SLC35E3: variants seen among roughly 807,000 people sequenced by gnomAD.
The protein encoded by SLC35E3 is bladder cancer-overexpressed gene 1 protein.
SLC35E3 carries 28 observed loss-of-function variants against 30.8 expected under a neutral mutation model. That is an observed-to-expected ratio of 0.91 (90% CI 0.67 to 1.25). The LOEUF is 1.25. SLC35E3 is among the 50% of genes most tolerant of loss of function. The pLI, the probability that SLC35E3 is intolerant of heterozygous loss-of-function variation, is 0.00. For missense variants in SLC35E3, 365 were observed against 375.4 expected (o/e 0.97, Z 0.23); for synonymous variants, 146 against 149.2 (o/e 0.98, Z 0.16).
intron 2 of SLC35E3, among the ~76,000 whole-genome samples, chr12:68,749,652 G>T (rs1032857163): frequency 2.6e-5 from 4 of 152,154 alleles, no homozygotes; most frequent in Non-Finnish European, 4.4e-5. Flanking sequence ...AAAGAGGGGC[G>T]GTGAGGTAAG....
Position 68,765,843 on chromosome 12 carries a change from G to A in SLC35E3, c.*953G>A, listed in dbSNP as rs1810053938. 6.6e-6 allele frequency: 1 copy of A among 151,210 alleles called. No individual in the cohort carries two copies. Among genetic ancestry groups the A allele is most frequent in the Non-Finnish European group, 1.5e-5 (1 of 67,838 alleles). 9.4% of individuals were successfully genotyped at this position (151,210 alleles called of 1,614,324 possible). ...TAATGACAAAGGAATTGCTGTTACT[G>A]TACTGCAAATATGCTGTGGGTTCTC... On this transcript the variant is annotated 3_prime_UTR_variant, in exon 5 of 5. Transcript: ENST00000398004.
At position 68,776,274 on chromosome 12, in the gene SLC35E3, C is replaced by T. The variant is rs111945534; in HGVS notation, c.*11384C>T. 44,032 of 144,444 alleles carry T rather than the reference C, an allele frequency of 0.3. 7,939 individuals are homozygous for T. The highest frequency in any genetic ancestry group is 0.42 in the Non-Finnish European group (27,928 of 66,262). 8.9% of individuals were successfully genotyped at this position (144,444 alleles called of 1,614,324 possible). A position where few individuals can be genotyped will look rare whatever the true frequency, so the allele number is the denominator to read the frequency against. ...CTGTAATCCCAGCGATTTGGGAGGC[C>T]GAGGCAGGTGGATCACTTGAGGTCA... On this transcript the variant is annotated 3_prime_UTR_variant, in exon 5 of 5. Transcript: ENST00000398004.
In SLC35E3 at chr12:68,746,658, C is replaced by T; in HGVS notation, c.281C>T (p.Ser94Phe). 1.2e-6 allele frequency: 2 copies of T among 1,614,252 alleles called. No homozygotes were observed. Among genetic ancestry groups the T allele is most frequent in the Admixed American group, 1.7e-5 (1 of 60,030 alleles). ...GGCTTTGTGGTCTTCACTAACCTTT[C>T]TCTGCAGAACAACACCATAGGCACC... ...FCGFVVFTNLSLQNNTIGTYQ... is the reference protein window; with the variant it reads ...FCGFVVFTNLFLQNNTIGTYQ... The change falls in exon 1 of 5, where the codon TCT (serine) becomes TTT (phenylalanine). Residue 94 changes from serine to phenylalanine, a missense_variant. By Grantham distance (155) the Ser-to-Phe change is radical. Transcript: ENST00000398004.
chr12:68,757,007 T>C (rs928428727), intron 3 of SLC35E3, among the ~76,000 whole-genome samples: 1 of 152,192 alleles, frequency 6.6e-6, no homozygotes, highest in Non-Finnish European at 1.5e-5. Context: ...AGAGTGAGAC[T>C]CCAAATAAAT....
rs1490432576 is a variant in SLC35E3, at chr12:68,771,588, G to C, written c.*6698G>C. 2.6e-5 allele frequency: 4 copies of C among 152,278 alleles called. No homozygotes were observed. In the East Asian group the frequency reaches 7.7e-4, roughly 29 times the overall value. 9.4% of individuals were successfully genotyped at this position (152,278 alleles called of 1,614,324 possible). On this transcript the variant is annotated 3_prime_UTR_variant, in exon 5 of 5. Coordinates refer to ENST00000398004, the MANE Select transcript of SLC35E3 (RefSeq NM_018656.5). ...AATCCCAACATTTTTGAGAGGCCAA[G>C]CTGGGTGGATCTCTTGAGCTCAGGA...
chr12:68,746,844 A>G (rs2136063825), intron 1 of SLC35E3, 65 bp downstream of exon 1: 1 of 1,462,186 alleles, frequency 6.8e-7, no homozygotes, highest in South Asian at 1.4e-5. Context: ...GCCCCGGGAA[A>G]TTCGAACGCA....
Position 68,766,778 on chromosome 12 carries a change from T to A in SLC35E3, c.*1888T>A, listed in dbSNP as rs1012020269. On this transcript the variant is annotated 3_prime_UTR_variant, in exon 5 of 5. Coordinates refer to ENST00000398004, the MANE Select transcript of SLC35E3 (RefSeq NM_018656.5). ...TTTTATATTTTTTGTAGAGACAGAG[T>A]TTTGCCATGTTGCTCAGGCTGATCT... 6.7e-6 allele frequency: 3 copies of A among 450,628 alleles called. No individual in the cohort carries two copies. Among genetic ancestry groups the A allele is most frequent in the Non-Finnish European group, 1.3e-5 (3 of 225,260 alleles). The allele number at this position is 450,628 out of a possible 1,614,324, so 27.9% of individuals were successfully genotyped here.
intron 3 of SLC35E3, among the ~76,000 whole-genome samples, chr12:68,755,830 A>T (rs914314730): frequency 1.3e-5 from 2 of 152,198 alleles, no homozygotes; most frequent in African/African-American, 4.8e-5. Context: ...CATAACCCAA[A>T]CACCTTCTAC....
chr12:68,766,654 G>T lies in SLC35E3; in HGVS notation c.*1764G>T. 5.5e-6 allele frequency: 2 copies of T among 366,028 alleles called. No individual in the cohort carries two copies. Among genetic ancestry groups the T allele is most frequent in the South Asian group, 2.0e-5 (1 of 51,182 alleles). 22.7% of individuals were successfully genotyped at this position (366,028 alleles called of 1,614,324 possible). A position where few individuals can be genotyped will look rare whatever the true frequency, so the allele number is the denominator to read the frequency against. ...GGCTGGAATGCAGTGGCACAATCAT[G>T]GCTCACTGCAGCCTCAGCCTCCTGG... On this transcript the variant is annotated 3_prime_UTR_variant, in exon 5 of 5. Coordinates refer to ENST00000398004, the MANE Select transcript of SLC35E3 (RefSeq NM_018656.5).
Position 68,771,962 on chromosome 12 carries a change from A to C in SLC35E3, c.*7072A>C, listed in dbSNP as rs1360840952. 1 of 152,128 alleles carries C rather than the reference A, an allele frequency of 6.6e-6. No homozygotes were observed. The highest frequency in any genetic ancestry group is 1.5e-5 in the Non-Finnish European group (1 of 68,016). 9.4% of individuals were successfully genotyped at this position (152,128 alleles called of 1,614,324 possible). On this transcript the variant is annotated 3_prime_UTR_variant, in exon 5 of 5. Coordinates refer to ENST00000398004, the MANE Select transcript of SLC35E3 (RefSeq NM_018656.5). ...TTTCAGATTAAAATTATAATTTCTC[A>C]TTTGCTTATAATAAAAGTAGATTGA...
chr12:68,746,821 ACCT>A (rs1192060023), intron 1 of SLC35E3, 42 bp downstream of exon 1: 2 of 1,515,250 alleles, frequency 1.3e-6, no homozygotes, highest in African/African-American at 1.4e-5. Flanking sequence ...CTCCCGACCC[ACCT>A]CCTGCACTGG....
chr12:68,769,408 A>C lies in SLC35E3; in HGVS notation c.*4518A>C, dbSNP rs1456163389. 6.7e-6 allele frequency: 1 copy of C among 149,200 alleles called. No individual in the cohort carries two copies. Among genetic ancestry groups the C allele is most frequent in the Non-Finnish European group, 1.5e-5 (1 of 67,152 alleles). 9.2% of individuals were successfully genotyped at this position (149,200 alleles called of 1,614,324 possible). A position where few individuals can be genotyped will look rare whatever the true frequency, so the allele number is the denominator to read the frequency against. ...ACGGTGGCTCACGCCTGTAATCCCA[A>C]CACTTTGGGAGGCTGAGGTGGGTGG... On this transcript the variant is annotated 3_prime_UTR_variant, in exon 5 of 5. Coordinates refer to ENST00000398004, the MANE Select transcript of SLC35E3 (RefSeq NM_018656.5).
At position 68,746,478 on chromosome 12, in the gene SLC35E3, G is replaced by A. The variant is rs1878566844; in HGVS notation, c.101G>A (p.Trp34Ter). 6.2e-7 allele frequency: 1 copy of A among 1,614,200 alleles called. No homozygotes were observed. The highest frequency in any genetic ancestry group is 8.5e-7 in the Non-Finnish European group (1 of 1,180,030). ...ATCTGCATTGTGTTCCTCAACAAAT[G>A]GATTTATGTGTACCACGGCTTCCCC... ...VSICIVFLNK[W>*]IYVYHGFPNM... Residue 34 changes from tryptophan to a stop codon, truncating the protein, a stop_gained, in exon 1 of 5, where the codon TGG (tryptophan) becomes TAG (stop). Coordinates refer to ENST00000398004, the MANE Select transcript of SLC35E3 (RefSeq NM_018656.5). LOFTEE classifies it high-confidence loss of function.
At chr12:68,757,128 A>G (rs562260533) in intron 3 of SLC35E3, among the ~76,000 whole-genome samples, 13 of 152,330 alleles carry the variant, frequency 8.5e-5, no homozygotes, top group Non-Finnish European at 1.8e-4. Context: ...TACAAAGGAC[A>G]TACCTTAATT....
In SLC35E3 at chr12:68,752,149, G is replaced by C. The variant is rs1878826221; in HGVS notation, c.631G>C (p.Gly211Arg). 6.2e-7 allele frequency: 1 copy of C among 1,613,592 alleles called. No homozygotes were observed. The highest frequency in any genetic ancestry group is 2.2e-5 in the East Asian group (1 of 44,868). Reference protein sequence around the residue: ...VAVPFFEPVFGEGGIFGPWSV... With the variant: ...VAVPFFEPVFREGGIFGPWSV... ...TGTGCCCTTCTTTGAGCCAGTGTTT[G>C]GAGAAGGAGGAATATTTGGTCCCTG... The change falls in exon 3 of 5, where the codon GGA (glycine) becomes CGA (arginine). Residue 211 changes from glycine to arginine, a missense_variant. Gly to Arg is a moderately radical substitution (Grantham distance 125). Coordinates refer to ENST00000398004, the MANE Select transcript of SLC35E3 (RefSeq NM_018656.5).
rs1018530065 is a variant in SLC35E3, at chr12:68,770,251, A to C, written c.*5361A>C. On this transcript the variant is annotated 3_prime_UTR_variant, in exon 5 of 5. Transcript: ENST00000398004. The stretch of plus-strand genomic sequence containing the variant: ...AGACATGGTGTGTCCTGCACCTGGA[A>C]ATGTAGATAGACCTCAGGCCATACA... The C allele has an allele frequency of 2.0e-5, 3 of 152,366 alleles. No homozygotes were observed. The highest frequency in any genetic ancestry group is 3.9e-4 in the East Asian group (2 of 5,188). 9.4% of individuals were successfully genotyped at this position (152,366 alleles called of 1,614,324 possible). A position where few individuals can be genotyped will look rare whatever the true frequency, so the allele number is the denominator to read the frequency against.
intron 1 of SLC35E3, 126 bp from the exon 2 acceptor site, chr12:68,747,803 AT>A: frequency 1.8e-6 from 1 of 546,026 alleles, no homozygotes; most frequent in Non-Finnish European, 3.3e-6. Flanking sequence ...AACAGAAAAC[AT>A]TTATACAGGT....
chr12:68,753,843 A>G (rs965323545), intron 3 of SLC35E3, among the ~76,000 whole-genome samples: 1 of 108,398 alleles, frequency 9.2e-6, no homozygotes, highest in Admixed American at 9.7e-5. Flanking sequence ...CACCCCAATT[A>G]AACATCTATT....
At position 68,758,729 on chromosome 12, in the gene SLC35E3, C is replaced by CTTT. The variant is rs776771224; in HGVS notation, c.673-400_673-398dup. 4.6e-3 allele frequency among the ~76,000 whole-genome samples: 221 copies of CTTT among 48,424 alleles called. 7 individuals carry two copies. Among genetic ancestry groups the CTTT allele is most frequent in the African/African-American group, 8.4e-3 (104 of 12,330 alleles). 31.8% of individuals were successfully genotyped at this position (48,424 alleles called of 152,430 possible). A position where few individuals can be genotyped will look rare whatever the true frequency, so the allele number is the denominator to read the frequency against. On this transcript the variant is annotated intron_variant, in intron 3 of 4. Coordinates refer to ENST00000398004, the MANE Select transcript of SLC35E3 (RefSeq NM_018656.5). ...TGTCTCCCAACCCCAAATTCTCTTT[C>CTTT]TTTTTTTTTTTTTTTTTTTTTTTTT...
Sources: allele counts gnomAD v4.1 joint callset (sites outside exome capture counted in the v4.1 genomes callset), GRCh38; gene constraint gnomAD v4.1.1; transcripts MANE v1.5; gene names NCBI Gene and HGNC (gene_info 2026-07-23, HGNC 2026-07-21).